Variants in SORCS1 observed in about 807,000 individuals in gnomAD.
The protein encoded by SORCS1 is VPS10 domain-containing receptor SorCS1.
SORCS1 carries 60 observed loss-of-function variants against 146.1 expected under a neutral mutation model. The observed-to-expected ratio is 0.41, with a 90% CI of 0.33 to 0.51. The LOEUF is 0.51. Ranked by LOEUF, SORCS1 falls within the 20% of genes least tolerant of loss-of-function variation. SORCS1 has a pLI of 0.21. For synonymous variants in SORCS1, 637 were observed against 584.0 expected (o/e 1.09, Z -1.31); for missense variants, 1,352 against 1,487.6 (o/e 0.91, Z 1.50).
chr10:106,718,483 G>A (rs976041522), intron 6 of SORCS1, among the ~76,000 whole-genome samples: 4 of 152,156 alleles, frequency 2.6e-5, no homozygotes, highest in Admixed American at 1.3e-4. Context: ...TGGTGGGTTC[G>A]TGGTCTTTCT....
At chr10:107,080,572 T>C (rs1963255759) in intron 1 of SORCS1, among the ~76,000 whole-genome samples, 1 of 152,230 alleles carries the variant, frequency 6.6e-6, no homozygotes, top group Non-Finnish European at 1.5e-5. Flanking sequence ...AGACAGTGCA[T>C]TATTTTATAA....
At chr10:107,027,607 T>C (rs1958466381) in intron 1 of SORCS1, among the ~76,000 whole-genome samples, 1 of 152,224 alleles carries the variant, frequency 6.6e-6, no homozygotes, top group Non-Finnish European at 1.5e-5. Context: ...AGCAGTCGTA[T>C]GACACCTTTC....
chr10:106,831,581 A>C (rs1948547359), intron 2 of SORCS1, among the ~76,000 whole-genome samples: 1 of 152,146 alleles, frequency 6.6e-6, no homozygotes, highest in African/African-American at 2.4e-5. Context: ...GGCCATAACG[A>C]CTAAGCAGAA....
intron 18 of SORCS1, among the ~76,000 whole-genome samples, chr10:106,637,171 G>A (rs1848778237): frequency 6.6e-6 from 1 of 152,176 alleles, no homozygotes; most frequent in Non-Finnish European, 1.5e-5. Flanking sequence ...AGTAAACTGA[G>A]CTTTTCTAGA....
chr10:106,620,824 C>T (rs1167224852), intron 19 of SORCS1, among the ~76,000 whole-genome samples: 3 of 152,100 alleles, frequency 2.0e-5, no homozygotes, highest in South Asian at 2.1e-4. Flanking sequence ...AAAAAAATTA[C>T]AGGTAACTTA....
intron 5 of SORCS1, among the ~76,000 whole-genome samples, chr10:106,750,075 C>T (rs13376811): frequency 0.2 from 31,105 of 152,000 alleles, 3,794 homozygotes; most frequent in East Asian, 0.48. Context: ...CTTAGAGGCC[C>T]TTAATTTGAA....
At chr10:107,081,630 C>CT (rs1963341989) in intron 1 of SORCS1, among the ~76,000 whole-genome samples, 1 of 151,944 alleles carries the variant, frequency 6.6e-6, no homozygotes, top group East Asian at 1.9e-4. Flanking sequence ...ATCACTTAGT[C>CT]TATTTATAAA....
chr10:106,578,756 T>A (rs761343539), intron 25 of SORCS1: 1 of 1,126,324 alleles, frequency 8.9e-7, no homozygotes. Context: ...AGCCTTAGCC[T>A]CTGAGGCCTC....
At chr10:106,854,295 A>G (rs1949699398) in intron 2 of SORCS1, among the ~76,000 whole-genome samples, 2 of 152,176 alleles carry the variant, frequency 1.3e-5, no homozygotes, top group South Asian at 4.1e-4. Context: ...TAGTGTTAGC[A>G]TGGTATATCA....
intron 3 of SORCS1, among the ~76,000 whole-genome samples, chr10:106,802,139 T>C (rs575002260): frequency 6.6e-6 from 1 of 152,248 alleles, no homozygotes; most frequent in South Asian, 2.1e-4. Context: ...GAAAGTTGCA[T>C]ATGGAGAGTA....
intron 18 of SORCS1, among the ~76,000 whole-genome samples, chr10:106,645,082 T>C (rs893232530): frequency 2.6e-5 from 4 of 151,788 alleles, no homozygotes; most frequent in Admixed American, 1.3e-4. Context: ...ACACTCCAAA[T>C]AGCATTATAT....
intron 18 of SORCS1, among the ~76,000 whole-genome samples, chr10:106,634,163 G>A (rs984485308): frequency 4.6e-5 from 7 of 152,164 alleles, no homozygotes; most frequent in South Asian, 2.1e-4. Context: ...CATGATACAC[G>A]CAGCCAAGAT....
chr10:106,652,322 G>T, intron 18 of SORCS1, 60 bp downstream of exon 18: 1 of 1,455,926 alleles, frequency 6.9e-7, no homozygotes, highest in Non-Finnish European at 9.2e-7. Context: ...ACAAAACCAT[G>T]GTTTATTAAG....
intron 2 of SORCS1, among the ~76,000 whole-genome samples, chr10:106,869,339 C>T (rs1456698311): frequency 6.6e-6 from 1 of 152,118 alleles, no homozygotes; most frequent in Non-Finnish European, 1.5e-5. Context: ...CAACTCATTC[C>T]ATGAGACTAA....
chr10:106,843,318 G>T (rs1589529663), intron 2 of SORCS1, among the ~76,000 whole-genome samples: 1 of 151,828 alleles, frequency 6.6e-6, no homozygotes. Flanking sequence ...CTCTTTTATA[G>T]ATTCCACATG....
At chr10:107,030,462 T>C (rs1958599160) in intron 1 of SORCS1, among the ~76,000 whole-genome samples, 1 of 152,234 alleles carries the variant, frequency 6.6e-6, no homozygotes, top group Admixed American at 6.5e-5. Flanking sequence ...CCACACTTTA[T>C]GTCTCAGTTC....
chr10:107,175,602 A>T, the SORCS1 span, among the ~76,000 whole-genome samples: 7 of 151,920 alleles, frequency 4.6e-5, no homozygotes, highest in Non-Finnish European at 8.8e-5. Flanking sequence ...TGCCTGGCTA[A>T]TGCTTGTATT....
At chr10:106,664,378 C>T (rs1850967004) in intron 17 of SORCS1, among the ~76,000 whole-genome samples, 1 of 152,154 alleles carries the variant, frequency 6.6e-6, no homozygotes, top group Non-Finnish European at 1.5e-5. Context: ...CGCGGTGGCT[C>T]ATGCCTGTAA....
chr10:106,612,783 C>T (rs956746485), intron 21 of SORCS1, among the ~76,000 whole-genome samples: 1 of 152,110 alleles, frequency 6.6e-6, no homozygotes, highest in African/African-American at 2.4e-5. Context: ...ATCTTTGCAG[C>T]CTTTGCCTAT....
Sources: allele counts gnomAD v4.1 joint callset (sites outside exome capture counted in the v4.1 genomes callset), GRCh38; gene constraint gnomAD v4.1.1; transcripts MANE v1.5; gene names NCBI Gene and HGNC (gene_info 2026-07-23, HGNC 2026-07-21).